Variants in INTS8 observed in about 807,000 individuals in gnomAD.
INTS8 encodes integrator complex subunit 8.
INTS8 carries 47 observed loss-of-function variants against 138.9 expected under a neutral mutation model. The ratio of observed to expected loss-of-function variants is 0.34; its 90% CI spans 0.27 to 0.43. INTS8 has a LOEUF of 0.43. Among genes scored for constraint, INTS8 ranks in the 20% least tolerant of loss-of-function variants. The pLI is 1.00. For missense variants in INTS8, 996 were observed against 1,173.0 expected (o/e 0.85, Z 2.20); for synonymous variants, 392 against 400.9 (o/e 0.98, Z 0.27).
chr8:94,847,943 A>G (rs16917079), intron 10 of INTS8, among the ~76,000 whole-genome samples: 27,743 of 151,156 alleles, frequency 0.18, 2,691 homozygotes, highest in Middle Eastern at 0.27. Context: ...AGATGCTCAG[A>G]TGTTATTTAC....
At chr8:94,843,639 G>GT in intron 10 of INTS8, among the ~76,000 whole-genome samples, 1 of 152,016 alleles carries the variant, frequency 6.6e-6, no homozygotes, top group Non-Finnish European at 1.5e-5. Flanking sequence ...GGACATTTGT[G>GT]TGTTTTATAG....
intron 12 of INTS8, 45 bp from the exon 13 acceptor site, chr8:94,851,508 T>C: frequency 7.5e-7 from 1 of 1,326,850 alleles, no homozygotes. Flanking sequence ...GTTATTCTCG[T>C]GTATATCTTT....
intron 14 of INTS8, among the ~76,000 whole-genome samples, chr8:94,855,774 T>C (rs1213081770): frequency 6.6e-6 from 1 of 152,200 alleles, no homozygotes; most frequent in African/African-American, 2.4e-5. Flanking sequence ...ACTGACTTAA[T>C]GTGGAAGGCA....
In INTS8 at chr8:94,842,382, G is replaced by T; in HGVS notation, c.1154G>T (p.Cys385Phe). Residue 385 changes from cysteine (C) to phenylalanine (F), a missense_variant, in exon 10 of 27, where the codon TGT (cysteine) becomes TTT (phenylalanine). Physicochemically the swap from Cys to Phe is radical, Grantham distance 205 (BLOSUM62 -2). Transcript: ENST00000523731. Reference protein sequence around the residue: ...EALDEICFKVCACNTVRDILE... With the variant: ...EALDEICFKVFACNTVRDILE... ...CTAGATGAAATCTGTTTTAAAGTTT[G>T]TGCCTGTAATACAGTCCGTGATATA... 3 of 1,596,724 alleles carry T rather than the reference G, an allele frequency of 1.9e-6. No individual in the cohort carries two copies. The highest frequency in any genetic ancestry group is 2.6e-6 in the Non-Finnish European group (3 of 1,168,852).
At chr8:94,879,381 G>GT (rs1816700612) in intron 26 of INTS8, among the ~76,000 whole-genome samples, 1 of 152,106 alleles carries the variant, frequency 6.6e-6, no homozygotes, top group Admixed American at 6.5e-5. Context: ...ATCACCTGAG[G>GT]TCAGGAGTTT....
At chr8:94,847,701 T>A (rs1204173706) in intron 10 of INTS8, among the ~76,000 whole-genome samples, 1 of 152,160 alleles carries the variant, frequency 6.6e-6, no homozygotes, top group Non-Finnish European at 1.5e-5. Context: ...TGAGTTTTTC[T>A]TTTTTTAAAT....
In INTS8 at chr8:94,823,392, G is replaced by T; in HGVS notation, c.-40G>T. 1 of 1,510,678 alleles carries T rather than the reference G, an allele frequency of 6.6e-7. No homozygotes were observed. Among genetic ancestry groups the T allele is most frequent in the Non-Finnish European group, 8.8e-7 (1 of 1,132,262 alleles). 93.6% of individuals were successfully genotyped at this position (1,510,678 alleles called of 1,614,324 possible). On this transcript the variant is annotated 5_prime_UTR_variant, in exon 1 of 27. Coordinates refer to ENST00000523731, the MANE Select transcript of INTS8 (RefSeq NM_017864.4). ...GCCCGCATCCAAGTGTCAGGTTGGA[G>T]CCGGGAAGCGGCCCTGGTGGTAGCG...
intron 6 of INTS8, among the ~76,000 whole-genome samples, chr8:94,836,210 C>T (rs1333798559): frequency 6.6e-6 from 1 of 152,178 alleles, no homozygotes; most frequent in East Asian, 1.9e-4. Context: ...TGAGATTCTT[C>T]ACCAGACTAG....
intron 23 of INTS8, 108 bp from the exon 24 acceptor site, chr8:94,875,966 A>G: frequency 1.3e-6 from 1 of 761,784 alleles, no homozygotes; most frequent in East Asian, 2.5e-5. Flanking sequence ...CATAACTATG[A>G]GCGGATTCAA....
intron 18 of INTS8, chr8:94,866,482 C>G (rs1586519748): frequency 3.2e-6 from 1 of 315,146 alleles, no homozygotes; most frequent in Non-Finnish European, 6.0e-6. Context: ...ATGAGGTCTC[C>G]CCTTGTTGCC....
At chr8:94,845,568 C>T (rs1331746816) in intron 10 of INTS8, among the ~76,000 whole-genome samples, 1 of 152,076 alleles carries the variant, frequency 6.6e-6, no homozygotes, top group African/African-American at 2.4e-5. Flanking sequence ...GTTCAAGTGA[C>T]TCTTCTGTGT....
chr8:94,863,958 A>G (rs1441526647), intron 16 of INTS8, among the ~76,000 whole-genome samples: 2 of 152,164 alleles, frequency 1.3e-5, no homozygotes, highest in African/African-American at 4.8e-5. Flanking sequence ...AGCTTCGGAA[A>G]GCCACAGTAC....
At chr8:94,879,093 C>T (rs1269768935) in intron 26 of INTS8, among the ~76,000 whole-genome samples, 1 of 152,152 alleles carries the variant, frequency 6.6e-6, no homozygotes, top group Non-Finnish European at 1.5e-5. Context: ...CTGTCTCACA[C>T]TTCGGGTTTT....
intron 10 of INTS8, among the ~76,000 whole-genome samples, chr8:94,848,260 G>A (rs777730150): frequency 1.3e-4 from 20 of 152,016 alleles, no homozygotes; most frequent in Non-Finnish European, 1.2e-4. Context: ...TGATCCACCT[G>A]TCTCAGCCTC....
In INTS8 at chr8:94,832,226, T is replaced by C. The variant is rs200279468; in HGVS notation, c.753+52T>C. On this transcript the variant is annotated intron_variant, in intron 6 of 26. Transcript: ENST00000523731. ...AGGGCAATTTTTTGGAAAATCTTAA[T>C]ATGAGATCATCCTCCTATTTTTAAT... 3.9e-6 allele frequency: 5 copies of C among 1,294,896 alleles called. No homozygotes were observed. The East Asian group carries it at 9.4e-5, about 24-fold the overall frequency. The allele number at this position is 1,294,896 out of a possible 1,614,324, so 80.2% of individuals were successfully genotyped here. A position where few individuals can be genotyped will look rare whatever the true frequency, so the allele number is the denominator to read the frequency against.
chr8:94,869,215 A>T (rs1816297017), intron 20 of INTS8, among the ~76,000 whole-genome samples: 1 of 151,674 alleles, frequency 6.6e-6, no homozygotes, highest in Admixed American at 6.6e-5. Context: ...TCCTGACCTC[A>T]GGTGATCTGC....
In INTS8 at chr8:94,853,803, A is replaced by T. The variant is rs777091519; in HGVS notation, c.1642-2A>T. On this transcript the variant is annotated splice_acceptor_variant, in intron 13 of 26. Transcript: ENST00000523731. LOFTEE classifies it high-confidence loss of function. ...TATATATGTATTTTTTGTTTCTTTT[A>T]GTGGGAAGTACCTTCTGTCTATAGT... is the stretch of plus-strand genomic sequence containing the variant. 6.4e-7 allele frequency: 1 copy of T among 1,561,762 alleles called. No individual in the cohort carries two copies. The highest frequency in any genetic ancestry group is 8.8e-7 in the Non-Finnish European group (1 of 1,133,254).
At chr8:94,878,425 T>C (rs1462681232) in intron 26 of INTS8, among the ~76,000 whole-genome samples, 1 of 152,210 alleles carries the variant, frequency 6.6e-6, no homozygotes, top group Non-Finnish European at 1.5e-5. Flanking sequence ...GGTGACCTTG[T>C]GAGTGCTAGC....
At chr8:94,863,517 T>C (rs528927561) in intron 16 of INTS8, among the ~76,000 whole-genome samples, 3 of 152,254 alleles carry the variant, frequency 2.0e-5, no homozygotes, top group Non-Finnish European at 4.4e-5. Context: ...TGTTGACTTA[T>C]TTCTTTTGTT....
Sources: allele counts gnomAD v4.1 joint callset (sites outside exome capture counted in the v4.1 genomes callset), GRCh38; gene constraint gnomAD v4.1.1; transcripts MANE v1.5; gene names NCBI Gene and HGNC (gene_info 2026-07-23, HGNC 2026-07-21).